Variants in TRPV3 observed in about 807,000 individuals in gnomAD.
TRPV3 encodes the protein transient receptor potential cation channel subfamily V member 3, also known as VRL-3.
Under a neutral mutation model 87.1 loss-of-function variants are expected in TRPV3, and 88 were observed. The observed-to-expected ratio is 1.01, with a 90% CI of 0.85 to 1.21. The LOEUF (loss-of-function observed/expected upper bound fraction) is 1.21, where lower values mean the gene tolerates loss of function less well. TRPV3 is among the 50% of genes most tolerant of loss of function. TRPV3 has a pLI of 0.00. For missense variants in TRPV3, 1,054 were observed against 1,030.1 expected (o/e 1.02, Z -0.32); for synonymous variants, 438 against 423.3 (o/e 1.03, Z -0.43).
intron 14 of TRPV3, among the ~76,000 whole-genome samples, chr17:3,519,901 A>G (rs1374819080): frequency 3.3e-4 from 11 of 33,506 alleles, no homozygotes; most frequent in Admixed American, 5.3e-4. Flanking sequence ...TGGATGGATG[A>G]TTAGATGGAT....
At chr17:3,540,425 C>A (rs1342984611) in intron 6 of TRPV3, among the ~76,000 whole-genome samples, 1 of 152,150 alleles carries the variant, frequency 6.6e-6, no homozygotes, top group South Asian at 2.1e-4. Context: ...CAGACCTCCT[C>A]GCCCCAGCAA....
chr17:3,535,822 C>T (rs916080030), intron 6 of TRPV3, 109 bp from the exon 7 acceptor site: 21 of 1,255,266 alleles, frequency 1.7e-5, no homozygotes, highest in Middle Eastern at 2.9e-4. Flanking sequence ...AGATCAGAAC[C>T]CTGGTCTGTG....
chr17:3,515,064 T>C (rs1461364353), intron 16 of TRPV3, among the ~76,000 whole-genome samples: 1 of 152,016 alleles, frequency 6.6e-6, no homozygotes, highest in Non-Finnish European at 1.5e-5. Context: ...TAGCAGGGGT[T>C]GAGGAAGCAC....
chr17:3,551,730 G>A (rs1327489625), intron 2 of TRPV3, among the ~76,000 whole-genome samples: 1 of 152,096 alleles, frequency 6.6e-6, no homozygotes, highest in African/African-American at 2.4e-5. Flanking sequence ...GCTGCTCTCA[G>A]GGAATGGCAC....
intron 2 of TRPV3, 71 bp downstream of exon 2, chr17:3,554,661 G>A: frequency 9.7e-7 from 1 of 1,026,904 alleles, no homozygotes; most frequent in South Asian, 1.5e-5. Context: ...AGGGCTCCCT[G>A]GGGGGGTGCC....
chr17:3,535,574 G>A lies in TRPV3; in HGVS notation c.783C>T (p.Phe261=), dbSNP rs2150795297. ...NPKYQHEGFY[F]GETPLALAAC... Reference sequence around the variant, plus strand: ...GCACCGGGCGGGGGCGGCACCCACCGAAGTAGAAGCCTTCGTGTTGGTACT... The same window carrying A: ...GCACCGGGCGGGGGCGGCACCCACCAAAGTAGAAGCCTTCGTGTTGGTACT... Residue 261 remains phenylalanine (F), a splice_region_variant and synonymous_variant, in exon 7 of 18, where the codon TTC becomes TTT. Transcript: ENST00000576742. The A allele has an allele frequency of 1.3e-6, 2 of 1,592,106 alleles. No individual in the cohort carries two copies. Among genetic ancestry groups the A allele is most frequent in the Non-Finnish European group, 1.7e-6 (2 of 1,170,184 alleles).
chr17:3,528,713 A>C lies in TRPV3; in HGVS notation c.1401+124T>G. On this transcript the variant is annotated intron_variant, in intron 10 of 17. Transcript: ENST00000576742. This position sits in a 1 kb window ranked among gnomAD's most constrained non-coding sequence, Gnocchi z 4.2. Reference sequence around the variant, plus strand: ...AGTTCCCTGGGAAGCGTGAAGGACAACTGGGGGACCCCGCCCAATCTCCTG... The same window carrying C: ...AGTTCCCTGGGAAGCGTGAAGGACACCTGGGGGACCCCGCCCAATCTCCTG... The C allele has an allele frequency of 8.5e-7, 1 of 1,181,686 alleles. No individual in the cohort carries two copies. Among genetic ancestry groups the C allele is most frequent in the Non-Finnish European group, 1.2e-6 (1 of 847,502 alleles). 73.2% of individuals were successfully genotyped at this position (1,181,686 alleles called of 1,614,324 possible). A position where few individuals can be genotyped will look rare whatever the true frequency, so the allele number is the denominator to read the frequency against.
At position 3,516,367 on chromosome 17, in the gene TRPV3, C is replaced by T. The variant is rs79268479; in HGVS notation, c.2198+90G>A. 1.9e-3 allele frequency: 1,925 copies of T among 1,005,306 alleles called. 27 individuals carry two copies. In the African/African-American group the frequency reaches 0.028, roughly 14 times the overall value. 62.3% of individuals were successfully genotyped at this position (1,005,306 alleles called of 1,614,324 possible). Reference sequence around the variant, plus strand: ...AGCTGTGGTTATGGTTAGCAAGTGGCGGCACTGTTTCTCTAACATCCTGTC... The same window carrying T: ...AGCTGTGGTTATGGTTAGCAAGTGGTGGCACTGTTTCTCTAACATCCTGTC... On this transcript the variant is annotated intron_variant, in intron 16 of 17. Transcript: ENST00000576742.
chr17:3,516,353 T>C, intron 16 of TRPV3, 104 bp downstream of exon 16: 2 of 898,318 alleles, frequency 2.2e-6, no homozygotes, highest in Non-Finnish European at 3.7e-6. Flanking sequence ...GCTGTGGTTA[T>C]GGTTAGCAAG....
At chr17:3,535,422 C>A in intron 7 of TRPV3, 151 bp downstream of exon 7, 1 of 704,180 alleles carries the variant, frequency 1.4e-6, no homozygotes, top group Non-Finnish European at 2.0e-6. Flanking sequence ...CTGTTTCCCC[C>A]TCCCTTCCTC....
intron 3 of TRPV3, 96 bp from the exon 4 acceptor site, chr17:3,544,761 C>G: frequency 2.3e-6 from 2 of 856,470 alleles, no homozygotes; most frequent in Non-Finnish European, 3.7e-6. Flanking sequence ...CTTTGGGAGG[C>G]CGAGGCAGGT....
In TRPV3 at chr17:3,543,565, T is replaced by G; in HGVS notation, c.375A>C (p.Ala125=). ...CCTCCACGCAGCCCTCAGACACGGCTGCAAAGATGCGCTTCTTCAGCCGCC... is the reference window on the plus strand; with the variant it reads ...CCTCCACGCAGCCCTCAGACACGGCGGCAAAGATGCGCTTCTTCAGCCGCC... ...KKRRLKKRIF[A]AVSEGCVEEL... The change falls in exon 5 of 18, where the codon GCA becomes GCC. Residue 125 remains alanine, a synonymous_variant. Coordinates refer to ENST00000576742, the MANE Select transcript of TRPV3 (RefSeq NM_145068.4). 1 of 1,614,158 alleles carries G rather than the reference T, an allele frequency of 6.2e-7. No homozygotes were observed. Among genetic ancestry groups the G allele is most frequent in the Non-Finnish European group, 8.5e-7 (1 of 1,180,032 alleles).
At chr17:3,525,207 AT>A (rs1257317045) in intron 12 of TRPV3, among the ~76,000 whole-genome samples, 1 of 152,142 alleles carries the variant, frequency 6.6e-6, no homozygotes, top group African/African-American at 2.4e-5. Flanking sequence ...TTTAGTAGAG[AT>A]GGGGTTTCAC....
chr17:3,524,602 A>G (rs1258173100), intron 12 of TRPV3, among the ~76,000 whole-genome samples: 1 of 152,100 alleles, frequency 6.6e-6, no homozygotes, highest in Non-Finnish European at 1.5e-5. Context: ...TGGGGACTTT[A>G]AAAAAAGAAA....
intron 2 of TRPV3, chr17:3,546,824 T>C (rs1292308710): frequency 2.8e-6 from 1 of 357,664 alleles, no homozygotes; most frequent in African/African-American, 2.1e-5. Context: ...CAAAATTAGC[T>C]GGGTGTGGTG....
Position 3,542,760 on chromosome 17 carries a change from C to G in TRPV3, c.467-62G>C, listed in dbSNP as rs576444100. On this transcript the variant is annotated intron_variant, in intron 5 of 17. Coordinates refer to ENST00000576742, the MANE Select transcript of TRPV3 (RefSeq NM_145068.4). ...CCCGGCTGCCCTTGGCCCTCCCAGC[C>G]CAGAGGGTGTGGTTGCTGCAGCCGC... 3.4e-5 allele frequency: 53 copies of G among 1,555,788 alleles called. 2 individuals carry two copies. In the South Asian group the frequency reaches 6.3e-4, roughly 19 times the overall value.
chr17:3,521,130 C>CA (rs1369756089), intron 13 of TRPV3, 91 bp from the exon 14 acceptor site: 6 of 471,562 alleles, frequency 1.3e-5, no homozygotes, highest in African/African-American at 1.0e-4. Context: ...TCCCACCCCC[C>CA]ACCCTAACTG....
In TRPV3 at chr17:3,516,158, C is replaced by T. The variant is rs573795208; in HGVS notation, c.2198+299G>A. Among the ~76,000 whole-genome samples, 536 of 150,746 alleles carry T rather than the reference C, an allele frequency of 3.6e-3. 2 individuals carry two copies. The highest frequency in any genetic ancestry group is 0.013 in the African/African-American group (523 of 40,998). ...CCAAGATTGCGCCATTGCACTCCAG[C>T]CCGGGCAACAAGAGCAAAATTCCGT... is the stretch of plus-strand genomic sequence containing the variant. On this transcript the variant is annotated intron_variant, in intron 16 of 17. Coordinates refer to ENST00000576742, the MANE Select transcript of TRPV3 (RefSeq NM_145068.4).
Position 3,556,712 on chromosome 17 carries a change from T to C in TRPV3, c.-3+964A>G, listed in dbSNP as rs1302458215. Among the ~76,000 whole-genome samples the C allele has an allele frequency of 6.6e-6, 1 of 152,098 alleles. No homozygotes were observed. The highest frequency in any genetic ancestry group is 1.5e-5 in the Non-Finnish European group (1 of 67,992). ...CATCGGCGAGGGAGAGCTTTGGCCC[T>C]GGAGCGTAGGCAACCTTGAGGCCAG... On this transcript the variant is annotated intron_variant, in intron 1 of 17. Coordinates refer to ENST00000576742, the MANE Select transcript of TRPV3 (RefSeq NM_145068.4). The surrounding 1 kb of genome is among the most constrained non-coding windows in gnomAD (Gnocchi z 4.2).
Sources: allele counts gnomAD v4.1 joint callset (sites outside exome capture counted in the v4.1 genomes callset), GRCh38; gene constraint gnomAD v4.1.1; non-coding constraint Gnocchi (gnomAD v3.1); transcripts MANE v1.5; gene names NCBI Gene and HGNC (gene_info 2026-07-23, HGNC 2026-07-21).